The following NF1 variants were observed in gnomAD, a reference collection of about 807,000 sequenced individuals.
NF1 encodes the protein neurofibromin.
A neutral mutation model predicts 325.7 loss-of-function variants in NF1; 122 were observed. That is an observed-to-expected ratio of 0.37 (90% confidence interval 0.32 to 0.44). The LOEUF (loss-of-function observed/expected upper bound fraction) is 0.44, where lower values mean the gene tolerates loss of function less well. Among genes scored for constraint, NF1 ranks in the 20% least tolerant of loss-of-function variants. The probability of loss-of-function intolerance (pLI) is 1.00; values close to 1 mark genes in which losing one functional copy is unlikely to be tolerated. For synonymous variants in NF1, 1,091 were observed against 1,186.0 expected (o/e 0.92, Z 1.65); for missense variants, 2,140 against 3,415.4 (o/e 0.63, Z 9.31).
At chr17:31,140,098 C>T (rs1916108664) in intron 1 of NF1, among the ~76,000 whole-genome samples, 1 of 152,168 alleles carries the variant, frequency 6.6e-6, no homozygotes, top group African/African-American at 2.4e-5. Context: ...AAAACGATTA[C>T]AAGAAAGATA....
In NF1 at chr17:31,336,607, T is replaced by TAAAAA; in HGVS notation, c.6148-21_6148-17dup. Reference sequence around the variant, plus strand: ...ACTTTGAGTCCCATGTTTTTTTTTTTAAAAAAAAAAATCCTGCTTCTTTAC... The same window carrying TAAAAA: ...ACTTTGAGTCCCATGTTTTTTTTTTTAAAAAAAAAAAAAAAATCCTGCTTCTTTAC... On this transcript the variant is annotated intron_variant, in intron 41 of 57. Coordinates refer to ENST00000358273, the MANE Select transcript of NF1 (RefSeq NM_001042492.3). The surrounding 1 kb of genome is among the most constrained non-coding windows in gnomAD (Gnocchi z 5.5). 1 of 1,456,548 alleles carries TAAAAA rather than the reference T, an allele frequency of 6.9e-7. No individual in the cohort carries two copies. The highest frequency in any genetic ancestry group is 9.2e-7 in the Non-Finnish European group (1 of 1,081,242). The allele number at this position is 1,456,548 out of a possible 1,614,324, so 90.2% of individuals were successfully genotyped here.
intron 31 of NF1, among the ~76,000 whole-genome samples, chr17:31,257,176 A>G (rs1017027082): frequency 2.0e-5 from 3 of 152,226 alleles, no homozygotes; most frequent in African/African-American, 7.2e-5. Flanking sequence ...AAAAATAGCT[A>G]CGTGATATTC....
intron 29 of NF1, among the ~76,000 whole-genome samples, chr17:31,240,469 C>T (rs1025626007): frequency 1.3e-5 from 2 of 152,140 alleles, no homozygotes; most frequent in African/African-American, 4.8e-5. Context: ...GTTTCTTTAT[C>T]CATTCTTCTG....
Position 31,338,033 on chromosome 17 carries a change from TC to T in NF1, c.6715del (p.Gln2239AsnfsTer26). Reference sequence around the variant, plus strand: ...GGATCTTTTAATTGCAGATTTGCATTCCAATATAATCCATCCCTGCAACCAA... The same window carrying T: ...GGATCTTTTAATTGCAGATTTGCATTCAATATAATCCATCCCTGCAACCAA... ...QWTELAQRFA[F>X]QYNPSLQPRA... is the part of the protein sequence containing the mutation. On this transcript the variant is annotated frameshift_variant, in exon 45 of 58. Transcript: ENST00000358273. LOFTEE classifies it high-confidence loss of function. The T allele has an allele frequency of 6.2e-7, 1 of 1,613,338 alleles. No homozygotes were observed. Among genetic ancestry groups the T allele is most frequent in the Non-Finnish European group, 8.5e-7 (1 of 1,179,298 alleles).
At chr17:31,248,220 C>CCCAAA (rs2067432337) in intron 29 of NF1, among the ~76,000 whole-genome samples, 4 of 126,194 alleles carry the variant, frequency 3.2e-5, no homozygotes, top group African/African-American at 6.1e-5. Flanking sequence ...CACCCCCCAC[C>CCCAAA]AAAAAAAAAA....
intron 36 of NF1, among the ~76,000 whole-genome samples, chr17:31,277,799 T>C (rs1693922427): frequency 1.3e-5 from 2 of 152,246 alleles, no homozygotes; most frequent in African/African-American, 2.4e-5. Flanking sequence ...TGCTTTCTGC[T>C]AACTGCTTCC....
chr17:31,307,047 C>G (rs1031740994), intron 36 of NF1, among the ~76,000 whole-genome samples: 3 of 150,236 alleles, frequency 2.0e-5, no homozygotes, highest in Non-Finnish European at 4.4e-5. Flanking sequence ...TTTTTCAAGA[C>G]AGTCTTACTC....
At chr17:31,185,029 A>C (rs982945282) in intron 8 of NF1, among the ~76,000 whole-genome samples, 9 of 152,166 alleles carry the variant, frequency 5.9e-5, no homozygotes, top group Admixed American at 3.3e-4. Flanking sequence ...CAGCTTCCCC[A>C]TCCCCAGTAG....
In NF1 at chr17:31,232,876, C is replaced by T. The variant is rs2151434879; in HGVS notation, c.3491C>T (p.Ser1164Phe). ...NANVDSGLMHSIGLGYHKDLQ... is the reference protein window; with the variant it reads ...NANVDSGLMHFIGLGYHKDLQ... ...AACGTAGACAGTGGTCTCATGCACT[C>T]CATAGGTGAGATCAAATGAAAGTTT... is the stretch of plus-strand genomic sequence containing the variant. Residue 1164 changes from serine (S) to phenylalanine (F), a missense_variant, in exon 26 of 58, where the codon TCC (serine) becomes TTC (phenylalanine). Around this residue, in one of 10 missense-constraint regions of NF1, gnomAD observed 380 missense variants for 639.3 expected, o/e 0.59. Coordinates refer to ENST00000358273, the MANE Select transcript of NF1 (RefSeq NM_001042492.3). 6.2e-7 allele frequency: 1 copy of T among 1,613,884 alleles called. No homozygotes were observed.
chr17:31,247,833 G>A (rs78485128), intron 29 of NF1, among the ~76,000 whole-genome samples: 3 of 152,132 alleles, frequency 2.0e-5, no homozygotes, highest in African/African-American at 7.2e-5. Flanking sequence ...CTATCAACAT[G>A]GATAAATCTC....
intron 1 of NF1, among the ~76,000 whole-genome samples, chr17:31,142,827 AC>A (rs1916326881): frequency 6.6e-6 from 1 of 151,912 alleles, no homozygotes. Context: ...AGATCGCGCC[AC>A]TGTACTCCAG....
intron 1 of NF1, among the ~76,000 whole-genome samples, chr17:31,111,128 C>G (rs1482058194): frequency 1.3e-5 from 2 of 151,484 alleles, no homozygotes; most frequent in African/African-American, 4.9e-5. Context: ...ATTCATTGTA[C>G]CGGTTCAGTA....
chr17:31,265,165 G>A, intron 35 of NF1, 64 bp from the exon 36 acceptor site: 3 of 1,097,014 alleles, frequency 2.7e-6, no homozygotes, highest in Non-Finnish European at 2.7e-6. Flanking sequence ...TCCAATTATA[G>A]ACTTTTTTAC....
At chr17:31,096,054 CTT>C (rs374680806) in intron 1 of NF1, among the ~76,000 whole-genome samples, 1 of 147,598 alleles carries the variant, frequency 6.8e-6, no homozygotes, top group African/African-American at 2.5e-5. Flanking sequence ...CACAGACTGC[CTT>C]TTTTTTTTAT....
chr17:31,248,465 A>G (rs1157023340), intron 29 of NF1, among the ~76,000 whole-genome samples: 1 of 152,150 alleles, frequency 6.6e-6, no homozygotes, highest in Non-Finnish European at 1.5e-5. Flanking sequence ...ATTAAAGTTA[A>G]TAATCCTGAA....
At chr17:31,228,359 C>A (rs184127833) in intron 20 of NF1, among the ~76,000 whole-genome samples, 4 of 152,064 alleles carry the variant, frequency 2.6e-5, no homozygotes, top group Non-Finnish European at 4.4e-5. Context: ...TATATTTTTA[C>A]GAAGCAAATG....
chr17:31,318,456 G>T, intron 36 of NF1: 4 of 1,613,956 alleles, frequency 2.5e-6, no homozygotes, highest in Non-Finnish European at 3.4e-6. Flanking sequence ...GCCATAGACC[G>T]CTTGCCAGAA....
Position 31,326,095 on chromosome 17 carries a change from A to G in NF1, c.5111A>G (p.Lys1704Arg), listed in dbSNP as rs2151538522. 3 of 1,613,728 alleles carry G rather than the reference A, an allele frequency of 1.9e-6. No individual in the cohort carries two copies. Among genetic ancestry groups the G allele is most frequent in the Non-Finnish European group, 2.5e-6 (3 of 1,179,710 alleles). Residue 1704 changes from lysine to arginine, a missense_variant, in exon 37 of 58, where the codon AAA becomes AGA. Transcript: ENST00000358273. ...ERLLTGLKGS[K>R]RLVFIDCPGK... ...CTGCTGACTGGCCTCAAAGGTAGCA[A>G]AAGGCTTGTTTTCATAGACTGTCCT...
intron 8 of NF1, among the ~76,000 whole-genome samples, chr17:31,186,091 C>T (rs1291470011): frequency 1.3e-5 from 2 of 152,058 alleles, no homozygotes; most frequent in African/African-American, 2.4e-5. Flanking sequence ...TAAAGTGGGT[C>T]GTGCACAGCA....
Sources: gnomAD v4.1 joint callset for allele counts (sites outside exome capture counted in the v4.1 genomes callset) on GRCh38, gnomAD v4.1.1 for gene constraint, gnomAD v4.1.1 regional missense constraint, Gnocchi (gnomAD v3.1) non-coding constraint, MANE v1.5 for transcripts, NCBI Gene and HGNC (gene_info 2026-07-23, HGNC 2026-07-21) for gene names.